SH3TC1: variants seen among roughly 807,000 people sequenced by gnomAD.
SH3TC1 encodes SH3 domain and tetratricopeptide repeats 1.
A neutral mutation model predicts 117.3 loss-of-function variants in SH3TC1; 135 were observed. The ratio of observed to expected loss-of-function variants is 1.15; its 90% CI spans 1.00 to 1.33. The LOEUF (loss-of-function observed/expected upper bound fraction) is 1.33, where lower values mean the gene tolerates loss of function less well. SH3TC1 is among the 40% of genes most tolerant of loss of function. The pLI, the probability that SH3TC1 is intolerant of heterozygous loss-of-function variation, is 0.00. For missense variants in SH3TC1, 2,092 were observed against 1,794.3 expected (o/e 1.17, Z -3.00); for synonymous variants, 898 against 816.9 (o/e 1.10, Z -1.69).
chr4:8,227,081 C>T lies in SH3TC1; in HGVS notation c.1387C>T (p.Pro463Ser), dbSNP rs371734585. Reference protein sequence around the residue: ...CKTCPGCPQEPASWGLCAASS... With the variant: ...CKTCPGCPQESASWGLCAASS... ...GACCTGCCCAGGCTGCCCCCAGGAG[C>T]CAGCGTCCTGGGGTCTCTGTGCGGC... is the stretch of plus-strand genomic sequence containing the variant. The change falls in exon 12 of 18, where the codon CCA becomes TCA. Residue 463 changes from proline to serine, a missense_variant. Transcript: ENST00000245105. 1.2e-6 allele frequency: 2 copies of T among 1,611,090 alleles called. No homozygotes were observed. The highest frequency in any genetic ancestry group is 1.7e-6 in the Non-Finnish European group (2 of 1,178,756).
In SH3TC1 at chr4:8,200,822, A is replaced by G. The variant is rs115147012; in HGVS notation, c.-29+1417A>G. On this transcript the variant is annotated intron_variant, in intron 1 of 17. Coordinates refer to ENST00000245105, the MANE Select transcript of SH3TC1 (RefSeq NM_018986.5). The stretch of plus-strand genomic sequence containing the variant: ...CTCAGGGCGCTCCTTGGCTGTGATT[A>G]CATCAGTCCACTCTCCGCCCTGGTG... Among the ~76,000 whole-genome samples the G allele has an allele frequency of 2.7e-3, 409 of 152,236 alleles. 2 individuals carry two copies. The highest frequency in any genetic ancestry group is 9.5e-3 in the African/African-American group (393 of 41,548).
At chr4:8,239,849 T>C (rs1002893900) in intron 17 of SH3TC1, among the ~76,000 whole-genome samples, 3 of 152,194 alleles carry the variant, frequency 2.0e-5, no homozygotes, top group African/African-American at 7.2e-5. Context: ...GGCTCAGCCA[T>C]GCACCCGGCA....
At chr4:8,216,406 G>A (rs1719278820) in intron 6 of SH3TC1, 149 bp downstream of exon 6, 1 of 1,213,056 alleles carries the variant, frequency 8.2e-7, no homozygotes. Flanking sequence ...CAGGCAGGGA[G>A]GTGTGCTTGG....
chr4:8,226,262 C>T (rs1720450903), intron 11 of SH3TC1, among the ~76,000 whole-genome samples: 1 of 152,214 alleles, frequency 6.6e-6, no homozygotes. Context: ...TCCACCAAAG[C>T]CAGCAGGCGC....
intron 1 of SH3TC1, among the ~76,000 whole-genome samples, chr4:8,194,035 C>G (rs1277012377): frequency 6.6e-6 from 1 of 152,214 alleles, no homozygotes; most frequent in Non-Finnish European, 1.5e-5. Flanking sequence ...GAAGGCAGGG[C>G]CCCTGCTCCC....
At position 8,240,192 on chromosome 4, in the gene SH3TC1, G is replaced by A. The variant is rs138569013; in HGVS notation, c.3754-506G>A. Among the ~76,000 whole-genome samples the A allele has an allele frequency of 5.4e-3, 819 of 152,286 alleles. 8 individuals carry two copies. The highest frequency in any genetic ancestry group is 0.019 in the African/African-American group (769 of 41,556). On this transcript the variant is annotated intron_variant, in intron 17 of 17. Coordinates refer to ENST00000245105, the MANE Select transcript of SH3TC1 (RefSeq NM_018986.5). ...TGAGCCACAGATGCATTGAAAATGG[G>A]AGTGGATGTCTGGGGCATCACACTC...
chr4:8,211,680 C>T (rs1243003565), intron 3 of SH3TC1, among the ~76,000 whole-genome samples: 2 of 151,618 alleles, frequency 1.3e-5, no homozygotes, highest in African/African-American at 4.9e-5. Context: ...TCTCCAGGCA[C>T]TGGGAAGGGA....
chr4:8,224,072 CAT>C (rs1475173673), intron 10 of SH3TC1, among the ~76,000 whole-genome samples: 3 of 152,204 alleles, frequency 2.0e-5, no homozygotes, highest in Non-Finnish European at 2.9e-5. Flanking sequence ...CCCATGCAGA[CAT>C]GTGTGCACAT....
chr4:8,224,061 ACC>A (rs1720219293), intron 10 of SH3TC1, among the ~76,000 whole-genome samples: 1 of 151,978 alleles, frequency 6.6e-6, no homozygotes, highest in African/African-American at 2.4e-5. Flanking sequence ...ACACACACCC[ACC>A]CATGCAGACA....
rs758730818 is a variant in SH3TC1 at position 8,240,878 on chromosome 4, A to G, written c.3934A>G (p.Asn1312Asp). 107 of 1,613,248 alleles carry G rather than the reference A, an allele frequency of 6.6e-5. No individual in the cohort carries two copies. The highest frequency in any genetic ancestry group is 8.5e-5 in the Non-Finnish European group (100 of 1,179,864). ...QKARTFATEL[N>D]VRRVNLPPLP... The stretch of plus-strand genomic sequence containing the variant: ...GGCCAGGACCTTCGCCACAGAGCTC[A>G]ACGTCCGCAGGGTCAACCTGCCTCC... The change falls in exon 18 of 18, where the codon AAC becomes GAC. Residue 1312 changes from asparagine to aspartate, a missense_variant. By Grantham distance (23) the Asn-to-Asp change is conservative. Transcript: ENST00000245105.
chr4:8,225,102 A>C lies in SH3TC1; in HGVS notation c.1244-73A>C. The C allele has an allele frequency of 6.4e-7, 1 of 1,574,322 alleles. No homozygotes were observed. Among genetic ancestry groups the C allele is most frequent in the South Asian group, 1.1e-5 (1 of 88,552 alleles). The stretch of plus-strand genomic sequence containing the variant: ...AATGCTCTCACCCTGCAACATCGAC[A>C]CTAGCTCAACCTGGCAGGGGACCAG... On this transcript the variant is annotated intron_variant, in intron 10 of 17. Coordinates refer to ENST00000245105, the MANE Select transcript of SH3TC1 (RefSeq NM_018986.5). This position sits in a 1 kb window ranked among gnomAD's most constrained non-coding sequence, Gnocchi z 5.5.
Position 8,215,299 on chromosome 4 carries a change from G to A in SH3TC1, c.481+719G>A, listed in dbSNP as rs111338056. 4,524 of 453,366 alleles carry A rather than the reference G, an allele frequency of 1.0e-2. 52 individuals carry two copies. The highest frequency in any genetic ancestry group is 0.015 in the Non-Finnish European group (3,430 of 224,810). The allele number at this position is 453,366 out of a possible 1,614,324, so 28.1% of individuals were successfully genotyped here. A position where few individuals can be genotyped will look rare whatever the true frequency, so the allele number is the denominator to read the frequency against. On this transcript the variant is annotated intron_variant, in intron 5 of 17. Transcript: ENST00000245105. ...TTTGGAGGAATTCCAGGCTCTAACG[G>A]AGCCTCCCTGGGGATCTTGCGACAC...
chr4:8,230,819 G>A (rs1248396390), intron 12 of SH3TC1, among the ~76,000 whole-genome samples: 1 of 129,908 alleles, frequency 7.7e-6, no homozygotes, highest in Non-Finnish European at 1.6e-5. Flanking sequence ...GTTTTGCTCT[G>A]TTGCTCAGGC....
chr4:8,214,369 G>T (rs575018713), intron 4 of SH3TC1, 106 bp from the exon 5 acceptor site: 2 of 1,024,658 alleles, frequency 2.0e-6, no homozygotes. Context: ...GTCGTCCCCC[G>T]CCGGGGCCAC....
At chr4:8,230,277 T>C (rs1462825818) in intron 12 of SH3TC1, among the ~76,000 whole-genome samples, 3 of 152,208 alleles carry the variant, frequency 2.0e-5, no homozygotes, top group South Asian at 2.1e-4. Flanking sequence ...TTTCTGATTT[T>C]AGAAACTTGG....
At chr4:8,201,103 G>A (rs1210402790) in intron 1 of SH3TC1, among the ~76,000 whole-genome samples, 1 of 152,184 alleles carries the variant, frequency 6.6e-6, no homozygotes, top group Non-Finnish European at 1.5e-5. Context: ...GGTGGCATAG[G>A]TGAGGTCTCA....
chr4:8,204,909 A>G, intron 1 of SH3TC1: 1 of 308,662 alleles, frequency 3.2e-6, no homozygotes, highest in Non-Finnish European at 5.9e-6. Context: ...AGGGGACTCC[A>G]GGCAGAAAAC....
In SH3TC1 at chr4:8,227,017, G is replaced by A. The variant is rs755944256; in HGVS notation, c.1323G>A (p.Glu441=). The change falls in exon 12 of 18, where the codon GAG becomes GAA. Residue 441 remains glutamate, a synonymous_variant. Coordinates refer to ENST00000245105, the MANE Select transcript of SH3TC1 (RefSeq NM_018986.5). ...PPPCLSLEPQ[E]TLQKVKNVLE... ...CTTGCCTGAGCCTGGAGCCACAGGA[G>A]ACCTTGCAGAAGGTGAAGAATGTTC... The A allele has an allele frequency of 6.4e-7, 1 of 1,569,030 alleles. No homozygotes were observed.
chr4:8,230,801 T>A (rs1381290075), intron 12 of SH3TC1, among the ~76,000 whole-genome samples: 2 of 137,834 alleles, frequency 1.5e-5, no homozygotes, highest in Admixed American at 7.3e-5. Flanking sequence ...TTTTTTTTTT[T>A]AGACAGAGTT....
Sources: allele counts gnomAD v4.1 joint callset (sites outside exome capture counted in the v4.1 genomes callset), GRCh38; gene constraint gnomAD v4.1.1; non-coding constraint Gnocchi (gnomAD v3.1); transcripts MANE v1.5; gene names NCBI Gene and HGNC (gene_info 2026-07-23, HGNC 2026-07-21).